Variants in ADAM23 observed in about 807,000 individuals in gnomAD.
ADAM23 encodes the protein disintegrin and metalloproteinase domain-containing protein 23.
In ADAM23, 33 loss-of-function variants were observed where a neutral mutation model predicts 120.1. The observed-to-expected ratio is 0.27, with a 90% CI of 0.21 to 0.37. The LOEUF is 0.37. Among genes scored for constraint, ADAM23 ranks in the 10% least tolerant of loss-of-function variants. The pLI is 1.00. For synonymous variants in ADAM23, 367 were observed against 375.2 expected, an observed-to-expected ratio of 0.98 and a Z score of 0.25; for missense variants, 862 against 1,058.2, an observed-to-expected ratio of 0.81 and a Z score of 2.57.
rs187771907 is a variant in ADAM23, at chr2:206,549,343, A to G, written c.868-752A>G. Among the ~76,000 whole-genome samples, 5 of 151,798 alleles carry G rather than the reference A, an allele frequency of 3.3e-5. No individual in the cohort carries two copies. The East Asian group carries it at 9.7e-4, about 29-fold the overall frequency. Reference sequence around the variant, plus strand: ...GTGGTTGGTAATAATATGTTTTACAATGGCTGCTGTTCTTTCCCTACAGTC... The same window carrying G: ...GTGGTTGGTAATAATATGTTTTACAGTGGCTGCTGTTCTTTCCCTACAGTC... On this transcript the variant is annotated intron_variant, in intron 8 of 25. Transcript: ENST00000264377.
chr2:206,490,279 AC>A (rs1432123790), intron 3 of ADAM23, among the ~76,000 whole-genome samples: 1 of 152,178 alleles, frequency 6.6e-6, no homozygotes, highest in African/African-American at 2.4e-5. Context: ...GTGAGGAAAT[AC>A]ATTTCTGTTG....
chr2:206,460,870 C>T (rs1695403060), intron 2 of ADAM23, among the ~76,000 whole-genome samples: 1 of 152,098 alleles, frequency 6.6e-6, no homozygotes, highest in African/African-American at 2.4e-5. Context: ...GTCACTTTAG[C>T]TCTTATGTTT....
rs542172370 is a variant in ADAM23, at chr2:206,585,864, T to C, written c.1738-1461T>C. Among the ~76,000 whole-genome samples, 5 of 152,176 alleles carry C rather than the reference T, an allele frequency of 3.3e-5. No homozygotes were observed. In the South Asian group the frequency reaches 1.0e-3, roughly 32 times the overall value. ...AAAAACTTGTAGACTTCTCTAAAAA[T>C]AAATAAATAAATAAAAAGCCCTTAA... On this transcript the variant is annotated intron_variant, in intron 18 of 25. Coordinates refer to ENST00000264377, the MANE Select transcript of ADAM23 (RefSeq NM_003812.4).
intron 10 of ADAM23, among the ~76,000 whole-genome samples, chr2:206,559,670 T>C (rs1697718839): frequency 6.6e-6 from 1 of 152,182 alleles, no homozygotes; most frequent in Admixed American, 6.5e-5. Context: ...TTTAAATTTA[T>C]GCCCTGGCTT....
intron 5 of ADAM23, among the ~76,000 whole-genome samples, chr2:206,542,341 A>G (rs1180454223): frequency 6.6e-6 from 1 of 152,232 alleles, no homozygotes; most frequent in Non-Finnish European, 1.5e-5. Flanking sequence ...ACATAGATGA[A>G]TGTTTAATCA....
intron 3 of ADAM23, among the ~76,000 whole-genome samples, chr2:206,514,203 C>T (rs943892369): frequency 3.4e-4 from 52 of 152,102 alleles, no homozygotes; most frequent in African/African-American, 1.1e-3. Context: ...TGCCATAGAT[C>T]GTGATTACTC....
Position 206,587,390 on chromosome 2 carries a change from A to C in ADAM23, c.1788+15A>C. 1 of 1,584,506 alleles carries C rather than the reference A, an allele frequency of 6.3e-7. No homozygotes were observed. Among genetic ancestry groups the C allele is most frequent in the East Asian group, 2.2e-5 (1 of 44,536 alleles). The stretch of plus-strand genomic sequence containing the variant: ...ATCAAAATCAGGTATGCTGGGCTAT[A>C]AATTTTAAGTGTAATTTAAAAAGGA... On this transcript the variant is annotated intron_variant, in intron 19 of 25. Transcript: ENST00000264377.
chr2:206,526,287 A>G (rs574884722), intron 3 of ADAM23, among the ~76,000 whole-genome samples: 1 of 152,288 alleles, frequency 6.6e-6, no homozygotes, highest in Admixed American at 6.5e-5. Context: ...CTGCTTGTAT[A>G]GTTGCTGATG....
chr2:206,561,117 T>G lies in ADAM23; in HGVS notation c.1170-11T>G. On this transcript the variant is annotated splice_polypyrimidine_tract_variant and intron_variant, in intron 11 of 25. Coordinates refer to ENST00000264377, the MANE Select transcript of ADAM23 (RefSeq NM_003812.4). ...CACGTTGGTTTTCTGATAGCACTGCTTTTTCTTAAGGCGGGTGACATTTCA... is the reference window on the plus strand; with the variant it reads ...CACGTTGGTTTTCTGATAGCACTGCGTTTTCTTAAGGCGGGTGACATTTCA... 2 of 1,613,748 alleles carry G rather than the reference T, an allele frequency of 1.2e-6. No homozygotes were observed. Among genetic ancestry groups the G allele is most frequent in the Non-Finnish European group, 1.7e-6 (2 of 1,179,732 alleles).
chr2:206,456,243 G>A (rs2105854562), intron 2 of ADAM23, among the ~76,000 whole-genome samples: 1 of 152,220 alleles, frequency 6.6e-6, no homozygotes, highest in South Asian at 2.1e-4. Context: ...GAGCAGGAGA[G>A]AGAGAGCAAG....
At chr2:206,610,530 G>A (rs955116457) in intron 25 of ADAM23, among the ~76,000 whole-genome samples, 3 of 152,128 alleles carry the variant, frequency 2.0e-5, no homozygotes, top group Non-Finnish European at 4.4e-5. Context: ...TATAATCCTC[G>A]ACCAACTGAA....
chr2:206,566,169 CATA>C (rs965979291), intron 14 of ADAM23, among the ~76,000 whole-genome samples: 6 of 148,932 alleles, frequency 4.0e-5, no homozygotes, highest in Non-Finnish European at 8.9e-5. Flanking sequence ...AATGACTCTT[CATA>C]ATATATATAA....
At chr2:206,565,282 T>C (rs1697855282) in intron 14 of ADAM23, among the ~76,000 whole-genome samples, 1 of 152,206 alleles carries the variant, frequency 6.6e-6, no homozygotes, top group South Asian at 2.1e-4. Flanking sequence ...TGTATTACCT[T>C]CTACTTCTTA....
At chr2:206,524,695 G>T (rs146738054) in intron 3 of ADAM23, among the ~76,000 whole-genome samples, 2 of 152,180 alleles carry the variant, frequency 1.3e-5, no homozygotes, top group East Asian at 1.9e-4. Context: ...ATCAGATCTC[G>T]TGAGACTTAC....
chr2:206,462,370 A>G (rs1695441894), intron 2 of ADAM23, among the ~76,000 whole-genome samples: 1 of 152,186 alleles, frequency 6.6e-6, no homozygotes, highest in East Asian at 1.9e-4. Context: ...AGTTCTCACA[A>G]CGTTAAATAA....
At chr2:206,494,698 C>A (rs1016278497) in intron 3 of ADAM23, among the ~76,000 whole-genome samples, 4 of 152,212 alleles carry the variant, frequency 2.6e-5, no homozygotes, top group Non-Finnish European at 1.5e-5. Flanking sequence ...TACAGCTTAG[C>A]TATTTTGCAT....
At chr2:206,510,329 A>C (rs970306781) in intron 3 of ADAM23, among the ~76,000 whole-genome samples, 5 of 152,238 alleles carry the variant, frequency 3.3e-5, no homozygotes, top group Admixed American at 3.3e-4. Context: ...AAAAAATCCT[A>C]CTAAAGTTGT....
At chr2:206,479,899 T>C (rs777904413) in intron 2 of ADAM23, among the ~76,000 whole-genome samples, 1 of 152,222 alleles carries the variant, frequency 6.6e-6, no homozygotes, top group Non-Finnish European at 1.5e-5. Context: ...CTATCTGATT[T>C]GGCAGTGTGC....
intron 8 of ADAM23, 152 bp downstream of exon 8, chr2:206,548,506 G>T: frequency 1.5e-6 from 1 of 679,224 alleles, no homozygotes; most frequent in Non-Finnish European, 2.4e-6. Flanking sequence ...CCTATGATTT[G>T]AGCCTTAACA....
Sources: allele counts gnomAD v4.1 joint callset (sites outside exome capture counted in the v4.1 genomes callset), GRCh38; gene constraint gnomAD v4.1.1; transcripts MANE v1.5; gene names NCBI Gene and HGNC (gene_info 2026-07-23, HGNC 2026-07-21).